The following RPTOR variants were observed in gnomAD, a reference collection of about 807,000 sequenced individuals.
The protein encoded by RPTOR is regulatory associated protein of MTOR complex 1.
Under a neutral mutation model 169.9 loss-of-function variants are expected in RPTOR, and 21 were observed. The observed-to-expected ratio is 0.12, with a 90% CI of 0.09 to 0.18. The LOEUF (loss-of-function observed/expected upper bound fraction) is 0.18, where lower values mean the gene tolerates loss of function less well. Ranked by LOEUF, RPTOR falls within the 10% of genes least tolerant of loss-of-function variation. The pLI is 1.00. For synonymous variants in RPTOR, 732 were observed against 753.2 expected (o/e 0.97, Z 0.46); for missense variants, 1,133 against 1,855.9 (o/e 0.61, Z 7.16).
chr17:80,945,185 C>T (rs1351750868), intron 25 of RPTOR, among the ~76,000 whole-genome samples: 1 of 151,956 alleles, frequency 6.6e-6, no homozygotes, highest in Non-Finnish European at 1.5e-5. Flanking sequence ...TCCCCAGCTA[C>T]ATGCAGAGTT....
chr17:80,611,823 A>G (rs1019178933), intron 1 of RPTOR, among the ~76,000 whole-genome samples: 8 of 151,544 alleles, frequency 5.3e-5, no homozygotes, highest in African/African-American at 1.7e-4. Flanking sequence ...TTCTAAATGC[A>G]GAGGTTTTTC....
At chr17:80,897,934 GT>G (rs1567975521) in intron 20 of RPTOR, among the ~76,000 whole-genome samples, 1 of 152,116 alleles carries the variant, frequency 6.6e-6, no homozygotes, top group Non-Finnish European at 1.5e-5. Context: ...TGGCTCAGGA[GT>G]GTACCCTCAT....
chr17:80,931,239 T>C (rs1461943420), intron 24 of RPTOR, among the ~76,000 whole-genome samples: 1 of 152,114 alleles, frequency 6.6e-6, no homozygotes, highest in East Asian at 1.9e-4. Context: ...AATTCTGACT[T>C]TTCCTGAACT....
At chr17:80,656,315 G>A (rs534332824) in intron 3 of RPTOR, among the ~76,000 whole-genome samples, 43 of 152,246 alleles carry the variant, frequency 2.8e-4, no homozygotes, top group African/African-American at 7.2e-4. Flanking sequence ...TGAGCCACCC[G>A]CCTTGGCCTC....
At chr17:80,757,889 G>C (rs1482150944) in intron 6 of RPTOR, among the ~76,000 whole-genome samples, 1 of 151,986 alleles carries the variant, frequency 6.6e-6, no homozygotes, top group Non-Finnish European at 1.5e-5. Flanking sequence ...ACCTTTATGA[G>C]TGTTCTTTTT....
intron 4 of RPTOR, among the ~76,000 whole-genome samples, chr17:80,717,261 T>C (rs985547440): frequency 1.3e-5 from 2 of 152,184 alleles, no homozygotes; most frequent in Admixed American, 6.5e-5. Context: ...CCCAGTCTTA[T>C]GTATATTGTC....
chr17:80,867,250 A>G (rs2143787453), intron 13 of RPTOR, among the ~76,000 whole-genome samples: 1 of 152,318 alleles, frequency 6.6e-6, no homozygotes, highest in South Asian at 2.1e-4. Flanking sequence ...ATTATTTTTA[A>G]AGAGAGAAAA....
intron 20 of RPTOR, among the ~76,000 whole-genome samples, chr17:80,895,312 C>A (rs922710878): frequency 2.3e-4 from 35 of 152,192 alleles, no homozygotes; most frequent in African/African-American, 8.0e-4. Flanking sequence ...TCCCAGAAGC[C>A]TCCCCAGCCC....
chr17:80,613,022 C>T lies in RPTOR; in HGVS notation c.163-12669C>T, dbSNP rs1037317510. ...TAGTCCGTCAGCATCAGCGTCTGTC[C>T]ACAGAGCCAGGGTCCCCCCTTGGAT... is the stretch of plus-strand genomic sequence containing the variant. On this transcript the variant is annotated intron_variant, in intron 1 of 33. Transcript: ENST00000306801. 2.0e-5 allele frequency among the ~76,000 whole-genome samples: 3 copies of T among 152,170 alleles called. 1 individual carries two copies. The highest frequency in any genetic ancestry group is 7.2e-5 in the African/African-American group (3 of 41,434).
intron 1 of RPTOR, among the ~76,000 whole-genome samples, chr17:80,568,206 G>A (rs73435036): frequency 0.021 from 3,176 of 152,222 alleles, 97 homozygotes; most frequent in African/African-American, 0.072. Flanking sequence ...ACTGCACCCA[G>A]CCCACATATT....
chr17:80,836,018 G>C (rs776708326), intron 9 of RPTOR, among the ~76,000 whole-genome samples: 2 of 152,150 alleles, frequency 1.3e-5, no homozygotes, highest in East Asian at 3.9e-4. Flanking sequence ...TGTGAGGGAG[G>C]CATGATCATA....
intron 4 of RPTOR, among the ~76,000 whole-genome samples, chr17:80,718,698 C>T (rs1210910239): frequency 6.6e-6 from 1 of 152,178 alleles, no homozygotes; most frequent in Admixed American, 6.5e-5. Context: ...AATAAACCAG[C>T]ATGGTATTCA....
intron 10 of RPTOR, among the ~76,000 whole-genome samples, chr17:80,839,141 G>A (rs187826297): frequency 3.3e-5 from 5 of 152,362 alleles, no homozygotes; most frequent in East Asian, 1.9e-4. Context: ...GTGTGCCTGC[G>A]TGCGTGCGTG....
intron 21 of RPTOR, among the ~76,000 whole-genome samples, chr17:80,918,283 C>T (rs1222322346): frequency 6.6e-6 from 1 of 152,226 alleles, no homozygotes; most frequent in Non-Finnish European, 1.5e-5. Context: ...CTGGATCGCC[C>T]ATCCAGACAG....
intron 5 of RPTOR, among the ~76,000 whole-genome samples, chr17:80,743,746 G>GCCCTGGTTACTAGCAC (rs2066512154): frequency 1.3e-5 from 1 of 74,486 alleles, no homozygotes; most frequent in African/African-American, 5.6e-5. Context: ...GCTACTAGCA[G>GCCCTGGTTACTAGCAC]AGCCCTGGCT....
intron 24 of RPTOR, among the ~76,000 whole-genome samples, chr17:80,930,435 CCCCAG>C (rs2068879868): frequency 2.7e-5 from 1 of 37,044 alleles, no homozygotes; most frequent in Non-Finnish European, 5.4e-5. Context: ...TCATCCTCAT[CCCCAG>C]CTCATCCTCA....
chr17:80,545,459 A>G lies in RPTOR; in HGVS notation c.-171A>G, dbSNP rs1328194700. On this transcript the variant is annotated 5_prime_UTR_variant, in exon 1 of 34. Coordinates refer to ENST00000306801, the MANE Select transcript of RPTOR (RefSeq NM_020761.3). Reference sequence around the variant, plus strand: ...CCCCACTTCCCGCTCAGAGTTAGAGATAAGGATCTCAGACTTTTGCCTGAG... The same window carrying G: ...CCCCACTTCCCGCTCAGAGTTAGAGGTAAGGATCTCAGACTTTTGCCTGAG... 3 of 523,632 alleles carry G rather than the reference A, an allele frequency of 5.7e-6. No individual in the cohort carries two copies. The highest frequency in any genetic ancestry group is 3.9e-5 in the African/African-American group (2 of 50,862). The allele number at this position is 523,632 out of a possible 1,614,324, so 32.4% of individuals were successfully genotyped here.
chr17:80,848,064 G>C (rs1353835431), intron 11 of RPTOR, among the ~76,000 whole-genome samples: 2 of 152,236 alleles, frequency 1.3e-5, no homozygotes, highest in African/African-American at 4.8e-5. Flanking sequence ...CAGAGAAAGA[G>C]GAGTTGGGAG....
intron 3 of RPTOR, among the ~76,000 whole-genome samples, chr17:80,653,503 G>C (rs1254661037): frequency 6.6e-6 from 1 of 152,220 alleles, no homozygotes; most frequent in African/African-American, 2.4e-5. Context: ...TTTTCTTAGA[G>C]CTGTGGTCTC....
Sources: allele counts gnomAD v4.1 joint callset (sites outside exome capture counted in the v4.1 genomes callset), GRCh38; gene constraint gnomAD v4.1.1; transcripts MANE v1.5; gene names NCBI Gene and HGNC (gene_info 2026-07-23, HGNC 2026-07-21).